AP3B1: variants seen among roughly 807,000 people sequenced by gnomAD.
The protein encoded by AP3B1 is AP-3 complex subunit beta-1.
AP3B1 carries 61 observed loss-of-function variants against 132.5 expected under a neutral mutation model. That is an observed-to-expected ratio of 0.46 (90% CI 0.37 to 0.57). The LOEUF is 0.57. Among genes scored for constraint, AP3B1 ranks in the 20% least tolerant of loss-of-function variants. The pLI, the probability that AP3B1 is intolerant of heterozygous loss-of-function variation, is 0.00. For synonymous variants in AP3B1, 388 were observed against 438.3 expected (o/e 0.89, Z 1.43); for missense variants, 1,120 against 1,289.4 (o/e 0.87, Z 2.01).
rs1291120733 is a variant in AP3B1, at chr5:78,156,325, A to G, written c.1406T>C (p.Leu469Pro). ...ACCATGTTGTGCAGGTTGCATTTGC[A>G]GTAATTTCTTTATAACAACCACACT... ...AESVVVIKKL[L>P]QMQPAQHGEI... is the part of the protein sequence containing the mutation. The change falls in exon 14 of 27, where the codon CTG (leucine) becomes CCG (proline). Residue 469 changes from leucine (L) to proline (P), a missense_variant. Transcript: ENST00000255194. The G allele has an allele frequency of 1.2e-6, 2 of 1,613,662 alleles. No homozygotes were observed. The highest frequency in any genetic ancestry group is 2.7e-5 in the African/African-American group (2 of 74,940).
intron 11 of AP3B1, among the ~76,000 whole-genome samples, chr5:78,168,026 A>AC (rs1477133983): frequency 6.6e-6 from 1 of 151,444 alleles, no homozygotes; most frequent in Non-Finnish European, 1.5e-5. Flanking sequence ...AAAAAAAAAA[A>AC]AACAAAAAAA....
At chr5:78,121,205 G>A (rs1419733181) in intron 17 of AP3B1, among the ~76,000 whole-genome samples, 1 of 151,846 alleles carries the variant, frequency 6.6e-6, no homozygotes, top group Non-Finnish European at 1.5e-5. Context: ...TGTGTAGAGG[G>A]AAATTTATAG....
At chr5:78,190,706 T>C (rs1561467499) in intron 7 of AP3B1, among the ~76,000 whole-genome samples, 1 of 152,226 alleles carries the variant, frequency 6.6e-6, no homozygotes, top group African/African-American at 2.4e-5. Flanking sequence ...TTATAGTGTT[T>C]ATAAAGATTG....
chr5:78,000,540 A>T (rs567656033), downstream of AP3B1: 1 of 152,240 alleles, frequency 6.6e-6, no homozygotes, highest in Non-Finnish European at 1.5e-5. Flanking sequence ...AAGGACAAGT[A>T]TACAGTATTT....
intron 9 of AP3B1, among the ~76,000 whole-genome samples, chr5:78,176,207 A>G (rs988361227): frequency 6.6e-6 from 1 of 152,166 alleles, no homozygotes; most frequent in African/African-American, 2.4e-5. Context: ...CATTCTTCCC[A>G]GGGCAAAGGC....
rs1747942265 is a variant in AP3B1, at chr5:78,039,172, T to C, written c.2680A>G (p.Ile894Val). The C allele has an allele frequency of 6.2e-7, 1 of 1,614,008 alleles. No individual in the cohort carries two copies. Among genetic ancestry groups the C allele is most frequent in the Non-Finnish European group, 8.5e-7 (1 of 1,179,886 alleles). Residue 894 changes from isoleucine (I) to valine (V), a missense_variant, in exon 23 of 27, where the codon ATT (isoleucine) becomes GTT (valine). Physicochemically the swap from Ile to Val is conservative, Grantham distance 29. This residue lies in a region of AP3B1 where 906 missense variants were observed against 997.1 expected (regional missense o/e 0.91). Transcript: ENST00000255194. ...AHYFFPRQPC[I>V]FGDKMVSIQI... ...ATAGAGACCATCTTATCACCAAAAA[T>C]GCAAGGCTGTCTTGGAAAGAAATAA...
intron 22 of AP3B1, among the ~76,000 whole-genome samples, chr5:78,053,939 T>C (rs1185589370): frequency 1.4e-4 from 21 of 152,200 alleles, no homozygotes; most frequent in Admixed American, 1.3e-4. Flanking sequence ...TTTGAAACTA[T>C]ACAGATTTGA....
At position 78,177,366 on chromosome 5, in the gene AP3B1, G is replaced by A. The variant is rs1420909431; in HGVS notation, c.1013C>T (p.Ser338Leu). ...PKSEAGIISK[S>L]LVRLLRSNRE... ...ATTGCTACGAAGTAAACGCACTAGTGATTTAGAAATTATGCCAGCTTCAGA... is the reference window on the plus strand; with the variant it reads ...ATTGCTACGAAGTAAACGCACTAGTAATTTAGAAATTATGCCAGCTTCAGA... Residue 338 changes from serine to leucine, a missense_variant, in exon 9 of 27, where the codon TCA becomes TTA. By Grantham distance (145) the Ser-to-Leu change is moderately radical (BLOSUM62 -2). This residue lies in a region of AP3B1 where 906 missense variants were observed against 997.1 expected (regional missense o/e 0.91). Coordinates refer to ENST00000255194, the MANE Select transcript of AP3B1 (RefSeq NM_003664.5). The A allele has an allele frequency of 6.2e-7, 1 of 1,613,802 alleles. No individual in the cohort carries two copies. Among genetic ancestry groups the A allele is most frequent in the South Asian group, 1.1e-5 (1 of 91,064 alleles).
chr5:78,076,334 T>C (rs1403070372), intron 22 of AP3B1, among the ~76,000 whole-genome samples: 1 of 152,236 alleles, frequency 6.6e-6, no homozygotes. Flanking sequence ...AATAAATACA[T>C]GTTGGATGAA....
intron 7 of AP3B1, among the ~76,000 whole-genome samples, chr5:78,215,099 AT>A: frequency 6.6e-6 from 1 of 152,188 alleles, no homozygotes; most frequent in East Asian, 1.9e-4. Context: ...ACATTTTTCC[AT>A]GTTATTTACA....
rs768483549 is a variant in AP3B1 at position 78,089,488 on chromosome 5, A to G, written c.2482T>C (p.Ser828Pro). 2.5e-6 allele frequency: 4 copies of G among 1,610,948 alleles called. No individual in the cohort carries two copies. The highest frequency in any genetic ancestry group is 2.5e-6 in the Non-Finnish European group (3 of 1,177,312). The change falls in exon 22 of 27, where the codon TCC becomes CCC. Residue 828 changes from serine to proline, a missense_variant. Physicochemically the swap from Ser to Pro is moderately conservative, Grantham distance 74. This residue lies in a region of AP3B1 where 906 missense variants were observed against 997.1 expected (regional missense o/e 0.91). Transcript: ENST00000255194. ...GGTGTGGGAAGTGCAACTGGAGTGG[A>G]TACTGGGTTAACTGTAAGAAAAGGC... ...LLDLDDFNPV[S>P]TPVALPTPAL...
chr5:78,185,413 A>G (rs1275386965), intron 7 of AP3B1, among the ~76,000 whole-genome samples: 8 of 152,252 alleles, frequency 5.3e-5, no homozygotes, highest in Non-Finnish European at 1.0e-4. Context: ...GGACATACCT[A>G]AGAAAACTAT....
At chr5:78,170,866 C>A (rs191374351) in intron 11 of AP3B1, among the ~76,000 whole-genome samples, 2 of 152,062 alleles carry the variant, frequency 1.3e-5, no homozygotes, top group Non-Finnish European at 2.9e-5. Context: ...ATGGTTTTAG[C>A]TCTAACATTT....
intron 22 of AP3B1, among the ~76,000 whole-genome samples, chr5:78,041,519 A>G (rs1041092079): frequency 3.3e-5 from 5 of 151,980 alleles, no homozygotes; most frequent in Non-Finnish European, 7.4e-5. Context: ...TGATTAGGTC[A>G]CTGCACTCCC....
At chr5:78,096,562 T>A (rs1185033282) in intron 21 of AP3B1, among the ~76,000 whole-genome samples, 3 of 150,618 alleles carry the variant, frequency 2.0e-5, no homozygotes, top group African/African-American at 7.4e-5. Flanking sequence ...ATCTAGGAAG[T>A]GAGGAGCGTC....
rs1219967171 is a variant in AP3B1, at chr5:78,141,136, C to T, written c.1650+7G>A. On this transcript the variant is annotated splice_region_variant and intron_variant, in intron 15 of 26. Coordinates refer to ENST00000255194, the MANE Select transcript of AP3B1 (RefSeq NM_003664.5). ...ATTAGATAGGTTGACTAACATTTGCCTCTCACCTGTTTGGAGTTGGTTAAA... is the reference window on the plus strand; with the variant it reads ...ATTAGATAGGTTGACTAACATTTGCTTCTCACCTGTTTGGAGTTGGTTAAA... The T allele has an allele frequency of 1.2e-6, 2 of 1,612,820 alleles. No homozygotes were observed. The highest frequency in any genetic ancestry group is 1.7e-6 in the Non-Finnish European group (2 of 1,178,976).
intron 22 of AP3B1, among the ~76,000 whole-genome samples, chr5:78,059,688 A>G (rs1163263075): frequency 6.6e-6 from 1 of 152,134 alleles, no homozygotes; most frequent in East Asian, 1.9e-4. Context: ...CACTCCTTCT[A>G]TGCTTTCAAT....
At chr5:78,112,202 T>C (rs1252903463) in intron 19 of AP3B1, among the ~76,000 whole-genome samples, 1 of 152,142 alleles carries the variant, frequency 6.6e-6, no homozygotes, top group Non-Finnish European at 1.5e-5. Flanking sequence ...TTTCCTAGAA[T>C]TGATTTTTGT....
Position 78,150,773 on chromosome 5 carries a change from T to G in AP3B1, c.1473+5485A>C, listed in dbSNP as rs144580075. Among the ~76,000 whole-genome samples the G allele has an allele frequency of 1.1e-3, 163 of 152,232 alleles. 1 individual carries two copies. The highest frequency in any genetic ancestry group is 3.8e-3 in the African/African-American group (159 of 41,552). On this transcript the variant is annotated intron_variant, in intron 14 of 26. Coordinates refer to ENST00000255194, the MANE Select transcript of AP3B1 (RefSeq NM_003664.5). ...AACTAATATTTATTGCTTTATTTATTTATTTTTTTTTTACATAATTTCAGA... is the reference window on the plus strand; with the variant it reads ...AACTAATATTTATTGCTTTATTTATGTATTTTTTTTTTACATAATTTCAGA...
Sources: allele counts gnomAD v4.1 joint callset (sites outside exome capture counted in the v4.1 genomes callset), GRCh38; gene constraint gnomAD v4.1.1; regional missense constraint gnomAD v4.1.1; transcripts MANE v1.5; gene names NCBI Gene and HGNC (gene_info 2026-07-23, HGNC 2026-07-21).